The following TDP1 variants were observed in gnomAD, a reference collection of about 807,000 sequenced individuals.
The protein encoded by TDP1 is tyrosyl-DNA phosphodiesterase 1.
In TDP1, 64 loss-of-function variants were observed where a neutral mutation model predicts 81.5. The ratio of observed to expected loss-of-function variants is 0.79; its 90% CI spans 0.64 to 0.97. The LOEUF is 0.97. Among genes scored for constraint, TDP1 ranks in the 50% least tolerant of loss-of-function variants. The pLI is 0.00. For synonymous variants in TDP1, 256 were observed against 264.3 expected, an observed-to-expected ratio of 0.97 and a Z score of 0.30; for missense variants, 723 against 743.8, an observed-to-expected ratio of 0.97 and a Z score of 0.33.
intron 3 of TDP1, chr14:89,964,749 G>T: frequency 9.7e-6 from 3 of 308,060 alleles, no homozygotes; most frequent in South Asian, 2.5e-5. Context: ...AGAGAATTTT[G>T]CCAAGTTTTG....
chr14:90,007,560 A>G (rs1370011665), intron 14 of TDP1, among the ~76,000 whole-genome samples: 2 of 152,018 alleles, frequency 1.3e-5, no homozygotes, highest in African/African-American at 2.4e-5. Flanking sequence ...CTGCACTCCA[A>G]CCTGGGTAAT....
At chr14:89,956,131 G>T (rs1290910945) in intron 1 of TDP1, 161 bp downstream of exon 1, 1 of 152,544 alleles carries the variant, frequency 6.6e-6, no homozygotes, top group African/African-American at 2.4e-5. Context: ...GGAAGATGGG[G>T]CAGGGTCGCC....
At chr14:90,031,438 C>T (rs184271230) in intron 15 of TDP1, among the ~76,000 whole-genome samples, 98 of 152,136 alleles carry the variant, frequency 6.4e-4, no homozygotes, top group African/African-American at 2.3e-3. Flanking sequence ...GGGTGGATCA[C>T]TCGAGGCCAG....
At chr14:90,027,928 C>T (rs913522916) in intron 15 of TDP1, among the ~76,000 whole-genome samples, 38 of 152,182 alleles carry the variant, frequency 2.5e-4, no homozygotes, top group African/African-American at 8.4e-4. Context: ...CCACACAGTT[C>T]AACAGAAGGT....
intron 13 of TDP1, chr14:89,993,018 C>T (rs756050199): frequency 8.9e-6 from 8 of 903,108 alleles, no homozygotes; most frequent in South Asian, 5.1e-5. Flanking sequence ...CATAACACAC[C>T]GTGGAAGCAT....
chr14:90,023,600 A>T (rs927969601), intron 15 of TDP1, among the ~76,000 whole-genome samples: 3 of 152,250 alleles, frequency 2.0e-5, no homozygotes, highest in Non-Finnish European at 4.4e-5. Flanking sequence ...TATTATCAAA[A>T]TCATCATCTT....
At chr14:90,029,610 T>C (rs542952720) in intron 15 of TDP1, among the ~76,000 whole-genome samples, 17 of 151,388 alleles carry the variant, frequency 1.1e-4, no homozygotes, top group African/African-American at 4.1e-4. Context: ...GCGATTCTCC[T>C]GTCTCAGCCT....
At chr14:89,987,450 C>G (rs914326353) in intron 10 of TDP1, among the ~76,000 whole-genome samples, 8 of 152,186 alleles carry the variant, frequency 5.3e-5, no homozygotes, top group African/African-American at 1.9e-4. Flanking sequence ...GTACAGGCTT[C>G]CTGTCTTAAG....
chr14:89,992,717 A>G (rs1896319594), intron 13 of TDP1, among the ~76,000 whole-genome samples: 1 of 152,224 alleles, frequency 6.6e-6, no homozygotes, highest in African/African-American at 2.4e-5. Context: ...GAATGAAGAC[A>G]GTGATGGTAC....
At chr14:90,016,590 C>T (rs1438594850) in intron 14 of TDP1, among the ~76,000 whole-genome samples, 2 of 152,254 alleles carry the variant, frequency 1.3e-5, no homozygotes, top group Non-Finnish European at 2.9e-5. Context: ...AGTTATTCTC[C>T]ACTTTATGCC....
intron 2 of TDP1, 120 bp downstream of exon 2, chr14:89,956,920 A>G (rs994188569): frequency 6.6e-6 from 1 of 151,884 alleles, no homozygotes; most frequent in Non-Finnish European, 1.5e-5. Flanking sequence ...TGTAAATCGG[A>G]CTCCCCTTCT....
At chr14:89,978,072 T>G (rs1894556759) in intron 7 of TDP1, among the ~76,000 whole-genome samples, 1 of 152,190 alleles carries the variant, frequency 6.6e-6, no homozygotes, top group Non-Finnish European at 1.5e-5. Flanking sequence ...GGCATGCCTC[T>G]TTCCACTAAG....
At chr14:89,981,113 G>A (rs1176710554) in intron 8 of TDP1, among the ~76,000 whole-genome samples, 2 of 152,200 alleles carry the variant, frequency 1.3e-5, no homozygotes, top group African/African-American at 4.8e-5. Context: ...TTCCCAAACA[G>A]GAATCAAAGG....
intron 2 of TDP1, among the ~76,000 whole-genome samples, chr14:89,959,528 T>TG (rs1430282379): frequency 3.3e-5 from 5 of 152,356 alleles, no homozygotes; most frequent in Non-Finnish European, 5.9e-5. Flanking sequence ...ATTAGTCTGT[T>TG]GCACTAAATT....
intron 3 of TDP1, 151 bp downstream of exon 3, chr14:89,963,824 A>G (rs1892620438): frequency 1.2e-6 from 1 of 857,330 alleles, no homozygotes; most frequent in Non-Finnish European, 1.9e-6. Context: ...AGGCAAGTGC[A>G]TTAGTATAAC....
intron 14 of TDP1, among the ~76,000 whole-genome samples, chr14:90,018,483 A>G (rs1885577868): frequency 6.6e-6 from 1 of 151,738 alleles, no homozygotes; most frequent in Admixed American, 6.6e-5. Context: ...TTTTCTTGAG[A>G]CGAGGTTTTA....
intron 16 of TDP1, among the ~76,000 whole-genome samples, chr14:90,037,038 C>T (rs35621243): frequency 0.039 from 5,962 of 152,230 alleles, 388 homozygotes; most frequent in African/African-American, 0.13. Flanking sequence ...TCTTGAACTC[C>T]TGGGCTCAAG....
intron 14 of TDP1, among the ~76,000 whole-genome samples, chr14:90,004,024 A>G (rs1272868966): frequency 3.9e-5 from 6 of 152,162 alleles, no homozygotes; most frequent in Non-Finnish European, 8.8e-5. Context: ...CTGTGGCTCT[A>G]AGATATTGGG....
intron 14 of TDP1, among the ~76,000 whole-genome samples, chr14:90,001,186 T>A (rs1046688087): frequency 6.6e-6 from 1 of 152,220 alleles, no homozygotes; most frequent in Non-Finnish European, 1.5e-5. Context: ...GAAAACTGGC[T>A]ACAGAAGGTC....
Sources: allele counts gnomAD v4.1 joint callset (sites outside exome capture counted in the v4.1 genomes callset), GRCh38; gene constraint gnomAD v4.1.1; transcripts MANE v1.5; gene names NCBI Gene and HGNC (gene_info 2026-07-23, HGNC 2026-07-21).